The following USP48 variants were observed in gnomAD, a reference collection of about 807,000 sequenced individuals.
USP48 encodes ubiquitin carboxyl-terminal hydrolase 48.
Under a neutral mutation model 150.7 loss-of-function variants are expected in USP48, and 43 were observed. The ratio of observed to expected loss-of-function variants is 0.29; its 90% CI spans 0.22 to 0.37. The LOEUF (loss-of-function observed/expected upper bound fraction) is 0.37, where lower values mean the gene tolerates loss of function less well. USP48 is among the 10% of genes least tolerant of loss of function. USP48 has a pLI of 1.00. For synonymous variants in USP48, 396 were observed against 425.9 expected (o/e 0.93, Z 0.86); for missense variants, 813 against 1,249.6 (o/e 0.65, Z 5.27).
intron 11 of USP48, among the ~76,000 whole-genome samples, chr1:21,727,546 A>G (rs759791870): frequency 7.2e-5 from 11 of 152,208 alleles, no homozygotes; most frequent in Non-Finnish European, 1.3e-4. Flanking sequence ...GGAAACCGTG[A>G]ATAAAGTTTG....
rs780018357 is a variant in USP48 at position 21,770,567 on chromosome 1, C to A, written c.134+12257G>T. 4.6e-5 allele frequency among the ~76,000 whole-genome samples: 7 copies of A among 150,624 alleles called. No homozygotes were observed. In the East Asian group the frequency reaches 1.2e-3, roughly 25 times the overall value. ...CATGATCTCAGCTCACTGCAACCTC[C>A]GCCTCCCAGGTTCAAGCGATTCTCC... On this transcript the variant is annotated intron_variant, in intron 1 of 26. Transcript: ENST00000308271.
At chr1:21,700,571 C>T (rs1203722581) in intron 22 of USP48, among the ~76,000 whole-genome samples, 1 of 152,148 alleles carries the variant, frequency 6.6e-6, no homozygotes, top group Non-Finnish European at 1.5e-5. Context: ...TTCATTCTTT[C>T]AGGGAGAACA....
In USP48 at chr1:21,706,041, C is replaced by A. The variant is rs534786432; in HGVS notation, c.2273+85G>T. On this transcript the variant is annotated intron_variant, in intron 18 of 26. Coordinates refer to ENST00000308271, the MANE Select transcript of USP48 (RefSeq NM_032236.8). ...AAGTAACCATGAAGGAAGGGTACAA[C>A]AAACAGAATCCACGATATCTTAAAA... The A allele has an allele frequency of 3.5e-5, 50 of 1,433,270 alleles. No homozygotes were observed. In the East Asian group the frequency reaches 9.6e-4, roughly 27 times the overall value. The allele number at this position is 1,433,270 out of a possible 1,614,324, so 88.8% of individuals were successfully genotyped here. A position where few individuals can be genotyped will look rare whatever the true frequency, so the allele number is the denominator to read the frequency against.
intron 1 of USP48, among the ~76,000 whole-genome samples, chr1:21,764,711 CA>C (rs35810751): frequency 0.47 from 51,024 of 107,962 alleles, 11,057 homozygotes; most frequent in East Asian, 0.65. Flanking sequence ...CACTCCGTCT[CA>C]AAAAAAAAAA....
intron 1 of USP48, among the ~76,000 whole-genome samples, chr1:21,773,454 G>C (rs1407008573): frequency 6.6e-6 from 1 of 151,820 alleles, no homozygotes; most frequent in Non-Finnish European, 1.5e-5. Context: ...TTGGGCCCAG[G>C]AGTTCAAGAC....
chr1:21,689,454 A>G (rs1365692645), intron 24 of USP48, among the ~76,000 whole-genome samples: 1 of 152,044 alleles, frequency 6.6e-6, no homozygotes, highest in African/African-American at 2.4e-5. Flanking sequence ...GCCACAACCC[A>G]ATATCACTCC....
In USP48 at chr1:21,693,903, T is replaced by C. The variant is rs142761549; in HGVS notation, c.2883+1163A>G. On this transcript the variant is annotated intron_variant, in intron 23 of 26. Coordinates refer to ENST00000308271, the MANE Select transcript of USP48 (RefSeq NM_032236.8). Reference sequence around the variant, plus strand: ...GCCTGTACTTTTGCCTCAATTACAATGATAAATATCAGCAACAAGAAAAAT... The same window carrying C: ...GCCTGTACTTTTGCCTCAATTACAACGATAAATATCAGCAACAAGAAAAAT... Among the ~76,000 whole-genome samples, 119 of 152,320 alleles carry C rather than the reference T, an allele frequency of 7.8e-4. 1 individual carries two copies. The highest frequency in any genetic ancestry group is 2.7e-3 in the African/African-American group (111 of 41,560).
intron 1 of USP48, among the ~76,000 whole-genome samples, chr1:21,774,921 G>A (rs1320429096): frequency 3.3e-5 from 5 of 151,800 alleles, no homozygotes; most frequent in African/African-American, 4.8e-5. Context: ...AACCTTGGGA[G>A]GCGGAGGTTG....
intron 9 of USP48, among the ~76,000 whole-genome samples, chr1:21,731,541 G>A (rs932820624): frequency 1.3e-5 from 2 of 151,230 alleles, no homozygotes; most frequent in African/African-American, 2.4e-5. Context: ...TGGGATTACA[G>A]GAGTGAGCCA....
intron 14 of USP48, among the ~76,000 whole-genome samples, chr1:21,716,061 G>GTA (rs2097703393): frequency 6.6e-6 from 1 of 152,180 alleles, no homozygotes; most frequent in South Asian, 2.1e-4. Flanking sequence ...CTTACAGTTT[G>GTA]TAGTGTGACA....
Position 21,721,140 on chromosome 1 carries a change from G to A in USP48, c.1790C>T (p.Ser597Phe). Residue 597 changes from serine to phenylalanine, a missense_variant, in exon 14 of 27, where the codon TCC becomes TTC. Physicochemically the swap from Ser to Phe is radical, Grantham distance 155. Coordinates refer to ENST00000308271, the MANE Select transcript of USP48 (RefSeq NM_032236.8). ...KGSDGFWVGK[S>F]SLRSWRQLAL... ...TAGCTGGCGCCAACTCCGCAAGGAG[G>A]ACTTCCCCACCCAAAATCCATCGCT... The A allele has an allele frequency of 6.2e-7, 1 of 1,614,216 alleles. No homozygotes were observed.
Position 21,695,063 on chromosome 1 carries a change from C to T in USP48, c.2883+3G>A. 1 of 1,607,720 alleles carries T rather than the reference C, an allele frequency of 6.2e-7. No individual in the cohort carries two copies. Among genetic ancestry groups the T allele is most frequent in the East Asian group, 2.2e-5 (1 of 44,624 alleles). On this transcript the variant is annotated splice_donor_region_variant and intron_variant, in intron 23 of 26. Coordinates refer to ENST00000308271, the MANE Select transcript of USP48 (RefSeq NM_032236.8). ...AGCAAACTTGAACAAATGTTTCCCT[C>T]ACCTGAATTTTCAATTCTTTTAACG...
chr1:21,686,912 T>C (rs1278223336), intron 25 of USP48: 2 of 453,506 alleles, frequency 4.4e-6, no homozygotes, highest in Non-Finnish European at 7.9e-6. Flanking sequence ...TGTGCCTGTC[T>C]GGGGCACTGC....
intron 3 of USP48, among the ~76,000 whole-genome samples, chr1:21,754,861 A>T (rs1452726460): frequency 6.6e-6 from 1 of 152,104 alleles, no homozygotes; most frequent in Non-Finnish European, 1.5e-5. Context: ...AGTTTCTAGT[A>T]GGGATTCCCA....
At chr1:21,721,816 T>C (rs2097721553) in intron 12 of USP48, 52 bp from the exon 13 acceptor site, 2 of 1,340,650 alleles carry the variant, frequency 1.5e-6, no homozygotes, top group Non-Finnish European at 2.0e-6. Context: ...ACAGACTTCC[T>C]GTTAGGAAAA....
At chr1:21,777,858 T>C (rs544827565) in intron 1 of USP48, among the ~76,000 whole-genome samples, 1 of 151,630 alleles carries the variant, frequency 6.6e-6, no homozygotes, top group East Asian at 1.9e-4. Flanking sequence ...CTGGATGCAG[T>C]GGCTCACGCC....
In USP48 at chr1:21,714,451, C is replaced by A. The variant is rs572781938; in HGVS notation, c.1963+938G>T. ...AACCCACTTAATATTTTTTTAGAGA[C>A]AGGGTCTTGCTGTGTTGCCCAGACT... On this transcript the variant is annotated intron_variant, in intron 15 of 26. Coordinates refer to ENST00000308271, the MANE Select transcript of USP48 (RefSeq NM_032236.8). 5.3e-5 allele frequency among the ~76,000 whole-genome samples: 8 copies of A among 152,158 alleles called. No homozygotes were observed. In the South Asian group the frequency reaches 1.7e-3, roughly 32 times the overall value.
At chr1:21,766,543 G>A (rs1178693886) in intron 1 of USP48, among the ~76,000 whole-genome samples, 1 of 152,122 alleles carries the variant, frequency 6.6e-6, no homozygotes, top group Non-Finnish European at 1.5e-5. Context: ...TACACACGAT[G>A]AGTGGAAAAT....
intron 24 of USP48, among the ~76,000 whole-genome samples, 167 bp from the exon 25 acceptor site, chr1:21,687,406 G>A (rs1306768129): frequency 6.6e-6 from 1 of 152,196 alleles, no homozygotes; most frequent in East Asian, 1.9e-4. Flanking sequence ...AACAGCAGAT[G>A]CCCTGCTGGC....
Sources: allele counts gnomAD v4.1 joint callset (sites outside exome capture counted in the v4.1 genomes callset), GRCh38; gene constraint gnomAD v4.1.1; transcripts MANE v1.5; gene names NCBI Gene and HGNC (gene_info 2026-07-23, HGNC 2026-07-21).